Variants in COL25A1 observed in about 807,000 individuals in gnomAD.
The protein encoded by COL25A1 is collagen alpha-1(XXV) chain.
Under a neutral mutation model 128.4 loss-of-function variants are expected in COL25A1, and 103 were observed. The ratio of observed to expected loss-of-function variants is 0.80; its 90% CI spans 0.68 to 0.94. The LOEUF (loss-of-function observed/expected upper bound fraction) is 0.94, where lower values mean the gene tolerates loss of function less well. Ranked by LOEUF, COL25A1 falls within the 40% of genes least tolerant of loss-of-function variation. The probability of loss-of-function intolerance (pLI) is 0.00; values close to 1 mark genes in which losing one functional copy is unlikely to be tolerated. For missense variants in COL25A1, 745 were observed against 840.0 expected, an observed-to-expected ratio of 0.89 and a Z score of 1.40; for synonymous variants, 279 against 277.2, an observed-to-expected ratio of 1.01 and a Z score of -0.06.
intron 11 of COL25A1, among the ~76,000 whole-genome samples, chr4:108,921,227 G>A (rs1409604946): frequency 2.6e-5 from 4 of 152,174 alleles, no homozygotes; most frequent in South Asian, 2.1e-4. Flanking sequence ...AAGATACTGG[G>A]TGGAGGAGAT....
intron 8 of COL25A1, among the ~76,000 whole-genome samples, chr4:108,965,325 G>A (rs1364454304): frequency 6.6e-6 from 1 of 152,186 alleles, no homozygotes; most frequent in Non-Finnish European, 1.5e-5. Context: ...GGCTGATGAT[G>A]TCGAGACCAA....
chr4:108,946,026 T>C (rs74816789), intron 8 of COL25A1, among the ~76,000 whole-genome samples: 6,691 of 152,238 alleles, frequency 0.044, 377 homozygotes, highest in African/African-American at 0.13. Context: ...ATCGGATGTA[T>C]AAGAGCTGTG....
At chr4:108,827,253 G>T in intron 32 of COL25A1, 65 bp from the exon 33 acceptor site, 1 of 1,335,924 alleles carries the variant, frequency 7.5e-7, no homozygotes, top group Non-Finnish European at 1.1e-6. Context: ...TTTCTCTCAT[G>T]CCCTATGTCT....
intron 3 of COL25A1, among the ~76,000 whole-genome samples, chr4:109,197,307 C>T (rs992996268): frequency 1.1e-4 from 15 of 141,134 alleles, no homozygotes; most frequent in African/African-American, 4.0e-4. Flanking sequence ...GCCTGGGCAA[C>T]AGAGAAAGAC....
chr4:109,277,860 A>G (rs1258300798), intron 3 of COL25A1, among the ~76,000 whole-genome samples: 1 of 152,126 alleles, frequency 6.6e-6, no homozygotes, highest in East Asian at 1.9e-4. Flanking sequence ...TATTGGCCGG[A>G]CATGGTGGCT....
At chr4:109,072,316 C>A (rs80136807) in intron 3 of COL25A1, among the ~76,000 whole-genome samples, 1 of 152,112 alleles carries the variant, frequency 6.6e-6, no homozygotes, top group African/African-American at 2.4e-5. Flanking sequence ...ATTTAACTCA[C>A]GTTTTCTTCC....
At chr4:109,134,774 C>T (rs1769550606) in intron 3 of COL25A1, among the ~76,000 whole-genome samples, 1 of 152,030 alleles carries the variant, frequency 6.6e-6, no homozygotes, top group Admixed American at 6.6e-5. Context: ...TCTGAGATGC[C>T]TGCAAACAAC....
chr4:109,015,057 T>A (rs940083189), intron 5 of COL25A1, among the ~76,000 whole-genome samples: 1 of 152,020 alleles, frequency 6.6e-6, no homozygotes, highest in Admixed American at 6.6e-5. Context: ...AGAGGAGAGG[T>A]TTCTGGTGAT....
At chr4:109,000,743 CAAAAAAA>C (rs1180104512) in intron 6 of COL25A1, among the ~76,000 whole-genome samples, 240 of 36,404 alleles carry the variant, frequency 6.6e-3, no homozygotes, top group African/African-American at 0.01. Context: ...GAGACTCTGT[CAAAAAAA>C]AAAAAAAAAA....
chr4:108,880,994 G>T (rs1407948834), intron 19 of COL25A1, among the ~76,000 whole-genome samples: 1 of 152,154 alleles, frequency 6.6e-6, no homozygotes, highest in African/African-American at 2.4e-5. Flanking sequence ...TATTCCAGAA[G>T]ATCAATGTCT....
intron 3 of COL25A1, among the ~76,000 whole-genome samples, chr4:109,242,959 C>T (rs1779998209): frequency 6.6e-6 from 1 of 151,980 alleles, no homozygotes; most frequent in African/African-American, 2.4e-5. Flanking sequence ...AGTATAAATA[C>T]AATGTTAGTA....
intron 3 of COL25A1, among the ~76,000 whole-genome samples, chr4:109,053,563 T>C (rs759374012): frequency 9.2e-5 from 14 of 152,184 alleles, no homozygotes; most frequent in Non-Finnish European, 1.5e-4. Flanking sequence ...TACCCTTCCC[T>C]GGCTCATCAG....
chr4:108,968,749 T>A (rs1751597435), intron 8 of COL25A1, among the ~76,000 whole-genome samples: 1 of 152,184 alleles, frequency 6.6e-6, no homozygotes, highest in African/African-American at 2.4e-5. Flanking sequence ...AGAATTCTAG[T>A]CTCATGTTTC....
rs61574026 is a variant in COL25A1 at position 109,250,369 on chromosome 4, T to TACAC, written c.367+50210_367+50213dup. On this transcript the variant is annotated intron_variant, in intron 3 of 37. Transcript: ENST00000399132. ...CCAGAGAAATTGAACAAGTAGGAGATACACACACACACACACACACACACA... is the reference window on the plus strand; with the variant it reads ...CCAGAGAAATTGAACAAGTAGGAGATACACACACACACACACACACACACACACA... Among the ~76,000 whole-genome samples the TACAC allele has an allele frequency of 2.0e-3, 269 of 134,960 alleles. 1 individual carries two copies. Among genetic ancestry groups the TACAC allele is most frequent in the African/African-American group, 2.6e-3 (87 of 33,316 alleles). The allele number at this position is 134,960 out of a possible 152,430, so 88.5% of individuals were successfully genotyped here. A position where few individuals can be genotyped will look rare whatever the true frequency, so the allele number is the denominator to read the frequency against.
chr4:109,004,963 T>C (rs557441482), intron 6 of COL25A1, among the ~76,000 whole-genome samples: 21 of 152,168 alleles, frequency 1.4e-4, no homozygotes, highest in African/African-American at 4.8e-4. Context: ...TTAATTACAA[T>C]TCTGTCCAAG....
chr4:109,212,586 T>C (rs990635816), intron 3 of COL25A1, among the ~76,000 whole-genome samples: 1 of 152,088 alleles, frequency 6.6e-6, no homozygotes, highest in African/African-American at 2.4e-5. Flanking sequence ...TTTCATGATA[T>C]GAAGACAGTA....
At chr4:109,036,248 A>AT (rs147685063) in intron 5 of COL25A1, among the ~76,000 whole-genome samples, 20 of 151,760 alleles carry the variant, frequency 1.3e-4, no homozygotes, top group Admixed American at 3.9e-4. Context: ...TTTAAAAAGG[A>AT]TTTTTTTTTC....
At chr4:109,274,513 T>C (rs549335826) in intron 3 of COL25A1, among the ~76,000 whole-genome samples, 1 of 152,234 alleles carries the variant, frequency 6.6e-6, no homozygotes, top group African/African-American at 2.4e-5. Flanking sequence ...ATCTAATATT[T>C]TATATTAACA....
chr4:109,084,916 T>C (rs1490426685), intron 3 of COL25A1, among the ~76,000 whole-genome samples: 1 of 152,224 alleles, frequency 6.6e-6, no homozygotes, highest in Non-Finnish European at 1.5e-5. Flanking sequence ...TATTCTTTCT[T>C]GCATTTTAAT....
Sources: gnomAD v4.1 joint callset for allele counts (sites outside exome capture counted in the v4.1 genomes callset) on GRCh38, gnomAD v4.1.1 for gene constraint, MANE v1.5 for transcripts, NCBI Gene and HGNC (gene_info 2026-07-23, HGNC 2026-07-21) for gene names.